The following TNFRSF11A variants were observed in gnomAD, a reference collection of about 807,000 sequenced individuals.
TNFRSF11A encodes the protein TNF receptor superfamily member 11a, also known as tumor necrosis factor receptor superfamily member 11A.
Under a neutral mutation model 55.7 loss-of-function variants are expected in TNFRSF11A, and 32 were observed. The observed-to-expected ratio is 0.57, with a 90% CI of 0.43 to 0.77. TNFRSF11A has a LOEUF of 0.77. TNFRSF11A is among the 30% of genes least tolerant of loss of function. The probability of loss-of-function intolerance (pLI) is 0.00; values close to 1 mark genes in which losing one functional copy is unlikely to be tolerated. For synonymous variants in TNFRSF11A, 311 were observed against 331.0 expected (o/e 0.94, Z 0.65); for missense variants, 753 against 809.8 (o/e 0.93, Z 0.85).
chr18:62,335,656 T>C (rs1332185473), intron 1 of TNFRSF11A, among the ~76,000 whole-genome samples: 1 of 152,176 alleles, frequency 6.6e-6, no homozygotes, highest in East Asian at 1.9e-4. Flanking sequence ...GTTCAGTCCT[T>C]ATTAGAAAAG....
rs76750519 is a variant in TNFRSF11A at position 62,390,093 on chromosome 18, G to C, written c.*5059G>C. The C allele has an allele frequency of 6.6e-6, 1 of 152,120 alleles. No homozygotes were observed. The highest frequency in any genetic ancestry group is 2.4e-5 in the African/African-American group (1 of 41,396). The allele number at this position is 152,120 out of a possible 1,614,324, so 9.4% of individuals were successfully genotyped here. ...CTGTCCTACACTACTTTCCCTCCCT[G>C]TCTCTGACACTTGTTCATTCCTGGG... On this transcript the variant is annotated 3_prime_UTR_variant, in exon 10 of 10. Transcript: ENST00000586569.
At chr18:62,343,805 G>A (rs922349293) in intron 1 of TNFRSF11A, among the ~76,000 whole-genome samples, 6 of 152,188 alleles carry the variant, frequency 3.9e-5, no homozygotes, top group African/African-American at 7.2e-5. Flanking sequence ...GGAATTTGTA[G>A]GGGGAATTTG....
intron 3 of TNFRSF11A, 147 bp downstream of exon 3, chr18:62,350,084 T>A (rs1407949255): frequency 4.5e-5 from 48 of 1,068,386 alleles, no homozygotes; most frequent in Non-Finnish European, 6.8e-6. Flanking sequence ...AAAGATGCGT[T>A]TTAGATCCCC....
Position 62,358,292 on chromosome 18 carries a change from T to C in TNFRSF11A, c.472T>C (p.Tyr158His). ...DTVCKPCLAG[Y>H]FSDAFSSTDK... ...AGTGTGCAAACCTTGCCTTGCAGGC[T>C]ACTTCTCTGATGCCTTTTCCTCCAC... Residue 158 changes from tyrosine (Y) to histidine (H), a missense_variant, in exon 5 of 10, where the codon TAC becomes CAC. Tyr to His is a moderately conservative substitution (Grantham distance 83). Around this residue, in one of 3 missense-constraint regions of TNFRSF11A, gnomAD observed 30 missense variants for 58.0 expected, o/e 0.52. Transcript: ENST00000586569. 6.2e-7 allele frequency: 1 copy of C among 1,608,900 alleles called. No homozygotes were observed. Among genetic ancestry groups the C allele is most frequent in the South Asian group, 1.1e-5 (1 of 90,974 alleles).
intron 9 of TNFRSF11A, among the ~76,000 whole-genome samples, chr18:62,374,591 G>A (rs1329114058): frequency 2.6e-5 from 4 of 152,194 alleles, no homozygotes. Flanking sequence ...ATATTCATGT[G>A]TTAGGCATTT....
rs527757901 is a variant in TNFRSF11A, at chr18:62,341,013, A to G, written c.76-7155A>G. Among the ~76,000 whole-genome samples, 3 of 152,406 alleles carry G rather than the reference A, an allele frequency of 2.0e-5. No homozygotes were observed. The South Asian group carries it at 6.2e-4, about 32-fold the overall frequency. ...AAACATGCCTGATATTTTCTCTGTG[A>G]ATCTGTAAGATTGAAATTCTATCTG... On this transcript the variant is annotated intron_variant, in intron 1 of 9. Coordinates refer to ENST00000586569, the MANE Select transcript of TNFRSF11A (RefSeq NM_003839.4).
At position 62,359,948 on chromosome 18, in the gene TNFRSF11A, C is replaced by G; in HGVS notation, c.522-7C>G. 6.2e-7 allele frequency: 1 copy of G among 1,613,306 alleles called. No homozygotes were observed. On this transcript the variant is annotated splice_polypyrimidine_tract_variant and splice_region_variant and intron_variant, in intron 5 of 9. Coordinates refer to ENST00000586569, the MANE Select transcript of TNFRSF11A (RefSeq NM_003839.4). ...ACCAAAGCACTGAACCACCTTTTCC[C>G]CCACAGCTGTACCTTCCTTGGAAAG...
chr18:62,358,883 A>AT (rs1238308695), intron 5 of TNFRSF11A, among the ~76,000 whole-genome samples: 2 of 152,208 alleles, frequency 1.3e-5, no homozygotes, highest in Non-Finnish European at 2.9e-5. Context: ...AAGTTATGTA[A>AT]TAAGTTCTTT....
intron 1 of TNFRSF11A, chr18:62,330,942 C>T (rs564911965): frequency 6.6e-6 from 1 of 152,396 alleles, no homozygotes; most frequent in African/African-American, 2.4e-5. Flanking sequence ...TGTGGTGGCT[C>T]ACGCCTGCAA....
At chr18:62,359,385 T>A (rs1423193526) in intron 5 of TNFRSF11A, among the ~76,000 whole-genome samples, 1 of 126,816 alleles carries the variant, frequency 7.9e-6, no homozygotes, top group African/African-American at 3.1e-5. Context: ...GGAATATGCA[T>A]TTTTTTTTTC....
In TNFRSF11A at chr18:62,386,219, C is replaced by T. The variant is rs529021055; in HGVS notation, c.*1185C>T. ...GAGAAAATGAACAGGACATGGGGCT[C>T]CTGGAAAGAAAGGGCCCGGGAAGTT... is the stretch of plus-strand genomic sequence containing the variant. On this transcript the variant is annotated 3_prime_UTR_variant, in exon 10 of 10. Coordinates refer to ENST00000586569, the MANE Select transcript of TNFRSF11A (RefSeq NM_003839.4). 5 of 152,098 alleles carry T rather than the reference C, an allele frequency of 3.3e-5. No homozygotes were observed. The highest frequency in any genetic ancestry group is 1.2e-4 in the African/African-American group (5 of 41,478). 9.4% of individuals were successfully genotyped at this position (152,098 alleles called of 1,614,324 possible).
At position 62,384,949 on chromosome 18, in the gene TNFRSF11A, C is replaced by G. The variant is rs745759055; in HGVS notation, c.1766C>G (p.Pro589Arg). Residue 589 changes from proline (P) to arginine (R), a missense_variant, in exon 10 of 10, where the codon CCG (proline) becomes CGG (arginine). Transcript: ENST00000586569. ...TTCGCGGGGAACGGCCCGCGCTTCCCGGACCCGTGCGGCGGCCCCGAGGGG... is the reference window on the plus strand; with the variant it reads ...TTCGCGGGGAACGGCCCGCGCTTCCGGGACCCGTGCGGCGGCCCCGAGGGG... ...DSFAGNGPRF[P>R]DPCGGPEGLR... 4.4e-5 allele frequency: 67 copies of G among 1,511,180 alleles called. No individual in the cohort carries two copies. The highest frequency in any genetic ancestry group is 3.8e-4 in the South Asian group (30 of 79,294). 93.6% of individuals were successfully genotyped at this position (1,511,180 alleles called of 1,614,324 possible).
chr18:62,350,200 T>C (rs1222500335), intron 3 of TNFRSF11A, among the ~76,000 whole-genome samples: 1 of 152,262 alleles, frequency 6.6e-6, no homozygotes, highest in Admixed American at 6.5e-5. Flanking sequence ...GTTTCCATAA[T>C]GTTCCCACCT....
At chr18:62,347,007 A>G (rs560511330) in intron 1 of TNFRSF11A, among the ~76,000 whole-genome samples, 1 of 152,178 alleles carries the variant, frequency 6.6e-6, no homozygotes, top group African/African-American at 2.4e-5. Flanking sequence ...TCCACCTGCC[A>G]GTTTCTGTTT....
rs961482049 is a variant in TNFRSF11A at position 62,348,218 on chromosome 18, T to C, written c.126T>C (p.His42=). ...PPCTSEKHYE[H]LGRCCNKCEP... ...GTACCAGTGAGAAGCATTATGAGCA[T>C]CTGGGACGGTGCTGTAACAAATGTG... The change falls in exon 2 of 10, where the codon CAT becomes CAC. Residue 42 remains histidine (H), a synonymous_variant. Transcript: ENST00000586569. The C allele has an allele frequency of 5.0e-6, 8 of 1,614,066 alleles. No individual in the cohort carries two copies. Among genetic ancestry groups the C allele is most frequent in the Non-Finnish European group, 5.9e-6 (7 of 1,180,038 alleles).
chr18:62,345,638 G>A (rs1210528968), intron 1 of TNFRSF11A, among the ~76,000 whole-genome samples: 3 of 152,138 alleles, frequency 2.0e-5, no homozygotes, highest in Non-Finnish European at 2.9e-5. Context: ...TTAGATAGCC[G>A]CGATGGTTGT....
At chr18:62,330,271 A>T (rs1179786117) in intron 1 of TNFRSF11A, among the ~76,000 whole-genome samples, 1 of 152,204 alleles carries the variant, frequency 6.6e-6, no homozygotes, top group Non-Finnish European at 1.5e-5. Flanking sequence ...CAGGATAAGG[A>T]GTGCCTTCAC....
At chr18:62,341,967 A>G (rs942507690) in intron 1 of TNFRSF11A, among the ~76,000 whole-genome samples, 1 of 151,284 alleles carries the variant, frequency 6.6e-6, no homozygotes, top group African/African-American at 2.4e-5. Context: ...GGGTAGAAAA[A>G]TCCTCCTTCC....
intron 9 of TNFRSF11A, chr18:62,378,272 G>C (rs1002025945): frequency 3.3e-5 from 5 of 152,212 alleles, no homozygotes; most frequent in African/African-American, 1.2e-4. Context: ...TCTAAGCCTT[G>C]ATCTACTCTC....
Sources: allele counts gnomAD v4.1 joint callset (sites outside exome capture counted in the v4.1 genomes callset), GRCh38; gene constraint gnomAD v4.1.1; regional missense constraint gnomAD v4.1.1; transcripts MANE v1.5; gene names NCBI Gene and HGNC (gene_info 2026-07-23, HGNC 2026-07-21).